DPP6: variants seen among roughly 807,000 people sequenced by gnomAD.
DPP6 encodes dipeptidyl peptidase like 6.
In DPP6, 69 loss-of-function variants were observed where a neutral mutation model predicts 122.6. The observed-to-expected ratio is 0.56, with a 90% CI of 0.46 to 0.69. The LOEUF (loss-of-function observed/expected upper bound fraction) is 0.69, where lower values mean the gene tolerates loss of function less well. Among genes scored for constraint, DPP6 ranks in the 30% least tolerant of loss-of-function variants. DPP6 has a pLI of 0.00. For missense variants in DPP6, 928 were observed against 1,116.9 expected, an observed-to-expected ratio of 0.83 and a Z score of 2.41; for synonymous variants, 418 against 433.1, an observed-to-expected ratio of 0.97 and a Z score of 0.43.
intron 1 of DPP6, among the ~76,000 whole-genome samples, chr7:154,360,258 G>A (rs1381933559): frequency 6.6e-6 from 1 of 152,142 alleles, no homozygotes; most frequent in Admixed American, 6.5e-5. Flanking sequence ...CAATCCCTGT[G>A]GGATTTGTGA....
intron 1 of DPP6, among the ~76,000 whole-genome samples, chr7:154,281,616 A>G (rs966332541): frequency 6.6e-6 from 1 of 152,194 alleles, no homozygotes; most frequent in Non-Finnish European, 1.5e-5. Flanking sequence ...ACCACTGACT[A>G]TGTAAGAGAA....
chr7:154,765,576 G>A (rs991753960), intron 8 of DPP6, among the ~76,000 whole-genome samples: 38 of 152,246 alleles, frequency 2.5e-4, no homozygotes, highest in African/African-American at 8.9e-4. Context: ...CCAGATAATG[G>A]CACTGGCTTC....
intron 1 of DPP6, among the ~76,000 whole-genome samples, chr7:154,130,057 C>G (rs559995432): frequency 1.3e-5 from 2 of 151,642 alleles, no homozygotes; most frequent in Admixed American, 6.6e-5. Flanking sequence ...CCATTGCACT[C>G]CAGTCTGGGT....
intron 8 of DPP6, among the ~76,000 whole-genome samples, chr7:154,734,886 G>C (rs1168574399): frequency 6.6e-6 from 1 of 152,192 alleles, no homozygotes; most frequent in Non-Finnish European, 1.5e-5. Flanking sequence ...ATTGAAATAA[G>C]CTAATACACA....
At chr7:154,393,955 A>G (rs1814850776) in intron 1 of DPP6, among the ~76,000 whole-genome samples, 1 of 152,160 alleles carries the variant, frequency 6.6e-6, no homozygotes, top group Non-Finnish European at 1.5e-5. Flanking sequence ...AGGTGCCTCC[A>G]TGTTGTAGCA....
chr7:154,193,827 G>A (rs1798731220), intron 1 of DPP6, among the ~76,000 whole-genome samples: 1 of 152,010 alleles, frequency 6.6e-6, no homozygotes, highest in East Asian at 1.9e-4. Context: ...ACTCCTCCCG[G>A]CTAAGCAGGT....
chr7:154,777,727 G>A (rs376442898), intron 10 of DPP6, among the ~76,000 whole-genome samples: 4 of 152,118 alleles, frequency 2.6e-5, no homozygotes, highest in Admixed American at 6.5e-5. Context: ...TGGATGCAGC[G>A]CAGCTGCTCT....
At chr7:154,785,275 C>A (rs544810176) in intron 10 of DPP6, among the ~76,000 whole-genome samples, 2 of 152,124 alleles carry the variant, frequency 1.3e-5, no homozygotes, top group African/African-American at 4.8e-5. Context: ...CATCTCACCC[C>A]CAGATGGAGA....
intron 1 of DPP6, among the ~76,000 whole-genome samples, chr7:153,906,245 A>G (rs949028089): frequency 5.3e-5 from 8 of 152,196 alleles, no homozygotes; most frequent in African/African-American, 1.9e-4. Flanking sequence ...CAGTTGTGTT[A>G]CGCGGATATA....
At chr7:153,837,837 A>ATTTTTTTTTTTTTTTTTTTTTTTT in the DPP6 span, among the ~76,000 whole-genome samples, 4 of 80,630 alleles carry the variant, frequency 5.0e-5, no homozygotes, top group Non-Finnish European at 4.5e-5. Context: ...TGCCTGGTTA[A>ATTTTTTTTTTTTTTTTTTTTTTTT]TTTTTTTTTT....
chr7:154,495,121 GAA>G (rs1824617386), intron 3 of DPP6, among the ~76,000 whole-genome samples: 1 of 152,186 alleles, frequency 6.6e-6, no homozygotes, highest in Admixed American at 6.5e-5. Flanking sequence ...AAAGGTTTAG[GAA>G]AAGAGTTGTG....
At chr7:153,985,920 A>C (rs1046817750) in intron 1 of DPP6, among the ~76,000 whole-genome samples, 4 of 152,344 alleles carry the variant, frequency 2.6e-5, no homozygotes, top group African/African-American at 9.6e-5. Context: ...GGCCAGGAGG[A>C]ATAAAAGACC....
In DPP6 at chr7:154,787,587, C is replaced by T. The variant is rs1214740970; in HGVS notation, c.1137-6492C>T. Among the ~76,000 whole-genome samples the T allele has an allele frequency of 2.6e-5, 4 of 152,094 alleles. 1 individual carries two copies. Among genetic ancestry groups the T allele is most frequent in the African/African-American group, 4.8e-5 (2 of 41,406 alleles). On this transcript the variant is annotated intron_variant, in intron 10 of 25. Coordinates refer to ENST00000377770, the MANE Select transcript of DPP6 (RefSeq NM_130797.4). ...CCACCTATCTATTTCTTCTTATATG[C>T]GAACTTCAGAATTATTTTATTTGAC... is the stretch of plus-strand genomic sequence containing the variant.
chr7:154,044,901 G>C (rs1250431888), intron 1 of DPP6, among the ~76,000 whole-genome samples: 2 of 134,074 alleles, frequency 1.5e-5, no homozygotes, highest in East Asian at 4.1e-4. Flanking sequence ...TGAAAGTAAG[G>C]CTTTTTTTTC....
At chr7:153,866,661 C>G in the DPP6 span, among the ~76,000 whole-genome samples, 1 of 152,038 alleles carries the variant, frequency 6.6e-6, no homozygotes, top group African/African-American at 2.4e-5. Flanking sequence ...TAATTAGATC[C>G]CATTTGTCAA....
chr7:153,899,125 C>T (rs1235894113), intron 1 of DPP6, among the ~76,000 whole-genome samples: 10 of 151,912 alleles, frequency 6.6e-5, no homozygotes. Flanking sequence ...ACTCTCTCTC[C>T]TCCTCCTCCT....
intron 16 of DPP6, among the ~76,000 whole-genome samples, chr7:154,825,562 G>A (rs557057079): frequency 6.6e-6 from 1 of 152,334 alleles, no homozygotes; most frequent in East Asian, 1.9e-4. Flanking sequence ...GTGAGGAAAA[G>A]AGAATGCTGC....
At chr7:153,970,027 A>G (rs541268046) in intron 1 of DPP6, among the ~76,000 whole-genome samples, 26 of 152,116 alleles carry the variant, frequency 1.7e-4, no homozygotes, top group Non-Finnish European at 3.1e-4. Context: ...ATTCTTTGTT[A>G]TTATTATGTA....
chr7:154,547,979 C>T (rs67867103), intron 4 of DPP6, among the ~76,000 whole-genome samples: 34,691 of 149,702 alleles, frequency 0.23, 4,139 homozygotes, highest in Middle Eastern at 0.36. Flanking sequence ...GAGGCCGAGG[C>T]GGGCAGATCA....
Sources: gnomAD v4.1 joint callset for allele counts (sites outside exome capture counted in the v4.1 genomes callset) on GRCh38, gnomAD v4.1.1 for gene constraint, MANE v1.5 for transcripts, NCBI Gene and HGNC (gene_info 2026-07-23, HGNC 2026-07-21) for gene names.